The following DBNDD2 variants were observed in gnomAD, a reference collection of about 807,000 sequenced individuals.
DBNDD2 encodes dysbindin domain-containing protein 2.
A neutral mutation model predicts 14.0 loss-of-function variants in DBNDD2; 8 were observed. The ratio of observed to expected loss-of-function variants is 0.57; its 90% CI spans 0.33 to 1.03. The LOEUF (loss-of-function observed/expected upper bound fraction) is 1.03, where lower values mean the gene tolerates loss of function less well. DBNDD2 is among the 50% of genes least tolerant of loss of function. DBNDD2 has a pLI of 0.03. For missense variants in DBNDD2, 194 were observed against 206.0 expected (o/e 0.94, Z 0.36); for synonymous variants, 94 against 85.3 (o/e 1.10, Z -0.56).
At chr20:45,408,083 C>A (rs1279113842), upstream of DBNDD2, 2 of 1,474,292 alleles carry the variant, frequency 1.4e-6, no homozygotes, top group African/African-American at 2.8e-5. Context: ...CTGAGGCAAG[C>A]GGGGCCAATT....
In DBNDD2 at chr20:45,410,081, C is replaced by G; in HGVS notation, c.427C>G (p.Gln143Glu). 6.4e-7 allele frequency: 1 copy of G among 1,554,770 alleles called. No homozygotes were observed. The highest frequency in any genetic ancestry group is 8.7e-7 in the Non-Finnish European group (1 of 1,148,562). Reference protein sequence around the residue: ...SDDGADTPLAQSDEEEERGDG... With the variant: ...SDDGADTPLAESDEEEERGDG... ...TGATGGAGCAGATACGCCCTTGGCA[C>G]AGTCGGATGAAGAGGAGGAAAGGGG... The change falls in exon 3 of 3, where the codon CAG (glutamine) becomes GAG (glutamate). Residue 143 changes from glutamine (Q) to glutamate (E), a missense_variant. Transcript: ENST00000372710.
upstream of DBNDD2, chr20:45,406,036 G>C (rs1989340109): frequency 1.3e-5 from 2 of 159,834 alleles, no homozygotes; most frequent in Non-Finnish European, 2.7e-5. Context: ...GTTGGGCGGC[G>C]GCTCTGTCTA....
chr20:45,406,786 C>T, upstream of DBNDD2: 1 of 1,253,138 alleles, frequency 8.0e-7, no homozygotes, highest in Non-Finnish European at 1.0e-6. Context: ...GCGGAGGGGA[C>T]CGGAGCACGA....
At chr20:45,409,012 A>G (rs774327446) in intron 2 of DBNDD2, 74 bp downstream of exon 2, 6 of 1,613,814 alleles carry the variant, frequency 3.7e-6, no homozygotes, top group African/African-American at 1.3e-5. Context: ...ACGAGGCTAC[A>G]AGGCTGGGCT....
chr20:45,410,487 C>A lies in DBNDD2; in HGVS notation c.*347C>A. The A allele has an allele frequency of 3.4e-6, 1 of 296,718 alleles. No individual in the cohort carries two copies. The highest frequency in any genetic ancestry group is 6.6e-6 in the Non-Finnish European group (1 of 152,074). 18.4% of individuals were successfully genotyped at this position (296,718 alleles called of 1,614,324 possible). ...CTAATACAGTCTCTCAGACAAGTGT[C>A]TCTAGATGGATGTGAACTCCTTAAC... On this transcript the variant is annotated 3_prime_UTR_variant, in exon 3 of 3. Transcript: ENST00000372710.
upstream of DBNDD2, chr20:45,406,864 A>T (rs1053894895): frequency 3.6e-5 from 42 of 1,165,704 alleles, no homozygotes; most frequent in East Asian, 6.0e-4. Context: ...TTTTTAGGGA[A>T]TTTTTTCCCT....
In DBNDD2 at chr20:45,410,096, G is replaced by A. The variant is rs759223689; in HGVS notation, c.442G>A (p.Glu148Lys). The A allele has an allele frequency of 1.3e-6, 2 of 1,553,290 alleles. No homozygotes were observed. The highest frequency in any genetic ancestry group is 2.4e-5 in the South Asian group (2 of 84,110). The change falls in exon 3 of 3, where the codon GAG (glutamate) becomes AAG (lysine). Residue 148 changes from glutamate to lysine, a missense_variant. Coordinates refer to ENST00000372710, the MANE Select transcript of DBNDD2 (RefSeq NM_001048225.4). Reference protein sequence around the residue: ...DTPLAQSDEEEERGDGGAEPG... With the variant: ...DTPLAQSDEEKERGDGGAEPG... ...GCCCTTGGCACAGTCGGATGAAGAG[G>A]AGGAAAGGGGTGATGGAGGGGCAGA...
chr20:45,408,346 A>C lies in DBNDD2; in HGVS notation c.-122A>C. On this transcript the variant is annotated 5_prime_UTR_variant, in exon 1 of 3. Transcript: ENST00000372710. Reference sequence around the variant, plus strand: ...CCAAGGGCAGAGGTGTCCAGGCCGGAGCCAGGGGCCCCACTGTTGGGATGC... The same window carrying C: ...CCAAGGGCAGAGGTGTCCAGGCCGGCGCCAGGGGCCCCACTGTTGGGATGC... The C allele has an allele frequency of 6.2e-7, 1 of 1,609,726 alleles. No homozygotes were observed. Among genetic ancestry groups the C allele is most frequent in the South Asian group, 1.1e-5 (1 of 90,826 alleles).
upstream of DBNDD2, chr20:45,408,148 C>T: frequency 6.5e-7 from 1 of 1,539,210 alleles, no homozygotes; most frequent in Non-Finnish European, 8.8e-7. Flanking sequence ...CAACCCCTCT[C>T]AGGAGGGCAT....
Position 45,409,407 on chromosome 20 carries a change from A to C in DBNDD2, c.277+469A>C, listed in dbSNP as rs888746716. 3.3e-5 allele frequency among the ~76,000 whole-genome samples: 5 copies of C among 152,234 alleles called. 1 individual carries two copies. Among genetic ancestry groups the C allele is most frequent in the Admixed American group, 2.6e-4 (4 of 15,286 alleles). On this transcript the variant is annotated intron_variant, in intron 2 of 2. Transcript: ENST00000372710. ...ATTTTATAAGCAGGAAATTAGGCTC[A>C]GAGAAGTTAAGTCACATTGTAGCCA...
chr20:45,408,034 C>T (rs932824125), upstream of DBNDD2: 7 of 1,438,676 alleles, frequency 4.9e-6, no homozygotes, highest in East Asian at 2.5e-5. Context: ...ACCCTCCACC[C>T]TGAGATCTCT....
intron 2 of DBNDD2, 57 bp from the exon 3 acceptor site, chr20:45,409,875 C>A: frequency 1.3e-6 from 2 of 1,526,090 alleles, no homozygotes; most frequent in Non-Finnish European, 1.8e-6. Context: ...GCCAGATAAT[C>A]TTTAAGAGTT....
intron 2 of DBNDD2, among the ~76,000 whole-genome samples, chr20:45,409,593 G>A (rs1989722350): frequency 6.6e-6 from 1 of 152,170 alleles, no homozygotes; most frequent in South Asian, 2.1e-4. Context: ...AAAACCCTTT[G>A]GGGATGTAGG....
chr20:45,407,732 T>C, upstream of DBNDD2: 1 of 998,162 alleles, frequency 1.0e-6, no homozygotes, highest in Non-Finnish European at 1.2e-6. Context: ...AAGATGGTAG[T>C]CTCCTAAATA....
chr20:45,406,790 A>G, upstream of DBNDD2: 1 of 1,248,990 alleles, frequency 8.0e-7, no homozygotes, highest in South Asian at 3.2e-5. Context: ...AGGGGACCGG[A>G]GCACGAGGGG....
intron 2 of DBNDD2, among the ~76,000 whole-genome samples, chr20:45,409,620 C>T (rs1421742506): frequency 6.6e-6 from 1 of 152,186 alleles, no homozygotes; most frequent in African/African-American, 2.4e-5. Flanking sequence ...TTTTATTTTG[C>T]AGAGGAGGAA....
intron 2 of DBNDD2, 186 bp downstream of exon 2, chr20:45,409,124 C>T (rs1989685331): frequency 4.4e-6 from 5 of 1,143,210 alleles, no homozygotes; most frequent in Admixed American, 5.1e-5. Flanking sequence ...AACTGGGTTA[C>T]ACATCTCTAA....
intron 1 of DBNDD2, 42 bp from the exon 2 acceptor site, chr20:45,408,759 G>A: frequency 1.3e-6 from 2 of 1,599,028 alleles, no homozygotes; most frequent in Admixed American, 1.7e-5. Flanking sequence ...GTCCTGGTGT[G>A]CAGCTTGGGT....
rs571990985 is a variant in DBNDD2, at chr20:45,410,454, G to A, written c.*314G>A. 2.2e-4 allele frequency: 82 copies of A among 377,850 alleles called. No individual in the cohort carries two copies. The highest frequency in any genetic ancestry group is 1.4e-3 in the African/African-American group (66 of 48,490). 23.4% of individuals were successfully genotyped at this position (377,850 alleles called of 1,614,324 possible). A position where few individuals can be genotyped will look rare whatever the true frequency, so the allele number is the denominator to read the frequency against. On this transcript the variant is annotated 3_prime_UTR_variant, in exon 3 of 3. Transcript: ENST00000372710. ...ACTCTTCCCTCCCCTAAACCATCCC[G>A]TAGTCTTCTAATACAGTCTCTCAGA...
Sources: gnomAD v4.1 joint callset for allele counts (sites outside exome capture counted in the v4.1 genomes callset) on GRCh38, gnomAD v4.1.1 for gene constraint, MANE v1.5 for transcripts, NCBI Gene and HGNC (gene_info 2026-07-23, HGNC 2026-07-21) for gene names.